Variants in CADM2 observed in about 807,000 individuals in gnomAD.
The protein encoded by CADM2 is immunoglobulin superfamily member 4D.
A neutral mutation model predicts 49.8 loss-of-function variants in CADM2; 12 were observed. The observed-to-expected ratio is 0.24, with a 90% CI of 0.15 to 0.39. The LOEUF (loss-of-function observed/expected upper bound fraction) is 0.39, where lower values mean the gene tolerates loss of function less well. Ranked by LOEUF, CADM2 falls within the 10% of genes least tolerant of loss-of-function variation. The pLI is 1.00. For missense variants in CADM2, 378 were observed against 492.3 expected, an observed-to-expected ratio of 0.77 and a Z score of 2.20; for synonymous variants, 214 against 175.4, an observed-to-expected ratio of 1.22 and a Z score of -1.74.
At chr3:85,155,562 A>T (rs1199630394) in intron 1 of CADM2, among the ~76,000 whole-genome samples, 4 of 152,122 alleles carry the variant, frequency 2.6e-5, no homozygotes, top group Non-Finnish European at 5.9e-5. Context: ...ATACCCAGGA[A>T]TTGAACTCAG....
At chr3:85,726,976 A>C (rs1269960351) in intron 2 of CADM2, among the ~76,000 whole-genome samples, 1 of 152,110 alleles carries the variant, frequency 6.6e-6, no homozygotes, top group African/African-American at 2.4e-5. Context: ...TGAATATTAT[A>C]AGCTATCGAT....
At chr3:85,138,741 C>G (rs2039491641) in intron 1 of CADM2, among the ~76,000 whole-genome samples, 1 of 152,058 alleles carries the variant, frequency 6.6e-6, no homozygotes, top group Non-Finnish European at 1.5e-5. Context: ...TGCCACCATC[C>G]TGGAGGAGAC....
chr3:85,001,386 T>C (rs2033456014), intron 1 of CADM2, among the ~76,000 whole-genome samples: 1 of 152,076 alleles, frequency 6.6e-6, no homozygotes, highest in Non-Finnish European at 1.5e-5. Flanking sequence ...TATCCATCCG[T>C]CTATCTATCT....
intron 5 of CADM2, among the ~76,000 whole-genome samples, chr3:85,906,658 T>C (rs989757876): frequency 6.6e-6 from 1 of 152,170 alleles, no homozygotes. Flanking sequence ...AGGGTGCTCA[T>C]AGGCAAGAAT....
At chr3:85,946,252 A>G (rs1237257775) in intron 7 of CADM2, among the ~76,000 whole-genome samples, 3 of 151,584 alleles carry the variant, frequency 2.0e-5, no homozygotes, top group Non-Finnish European at 2.9e-5. Flanking sequence ...AAGGAGAACT[A>G]CAAACCACTG....
At chr3:85,446,649 C>T (rs1190434296) in intron 1 of CADM2, among the ~76,000 whole-genome samples, 1 of 139,778 alleles carries the variant, frequency 7.2e-6, no homozygotes, top group Admixed American at 7.7e-5. Flanking sequence ...GTTGCCCAGA[C>T]TGGAGTACAA....
intron 1 of CADM2, among the ~76,000 whole-genome samples, chr3:85,445,132 G>C (rs1420762141): frequency 6.6e-6 from 1 of 152,028 alleles, no homozygotes; most frequent in African/African-American, 2.4e-5. Context: ...TTTTGTTGAC[G>C]AGTAAACCGA....
intron 1 of CADM2, among the ~76,000 whole-genome samples, chr3:85,091,647 A>G (rs1027108728): frequency 6.6e-6 from 1 of 152,170 alleles, no homozygotes; most frequent in African/African-American, 2.4e-5. Context: ...AATATTTAGA[A>G]AACATTTTTA....
At chr3:85,587,756 T>A (rs1289676630) in intron 1 of CADM2, among the ~76,000 whole-genome samples, 3 of 151,956 alleles carry the variant, frequency 2.0e-5, no homozygotes, top group South Asian at 4.1e-4. Flanking sequence ...CAATGACATT[T>A]TTTTTTGAGA....
chr3:85,181,618 T>G (rs1003190581), intron 1 of CADM2, among the ~76,000 whole-genome samples: 1 of 151,960 alleles, frequency 6.6e-6, no homozygotes, highest in Non-Finnish European at 1.5e-5. Flanking sequence ...AAGGGCATAT[T>G]TAGTGTAAAT....
intron 1 of CADM2, among the ~76,000 whole-genome samples, chr3:85,249,246 A>C (rs2042721200): frequency 6.6e-6 from 1 of 152,088 alleles, no homozygotes. Context: ...CCAGGTACAG[A>C]ATTTTTACCA....
intron 1 of CADM2, among the ~76,000 whole-genome samples, chr3:85,705,306 C>T (rs1251026748): frequency 1.3e-5 from 2 of 150,156 alleles, no homozygotes; most frequent in Non-Finnish European, 2.9e-5. Flanking sequence ...GCTTTATGTA[C>T]ATTGATTCAT....
chr3:85,860,296 G>A (rs1288879180), intron 3 of CADM2, among the ~76,000 whole-genome samples: 2 of 151,914 alleles, frequency 1.3e-5, no homozygotes, highest in African/African-American at 4.8e-5. Context: ...CAAAAATCCT[G>A]TATTACATGG....
intron 1 of CADM2, among the ~76,000 whole-genome samples, chr3:85,120,344 A>G (rs1009083181): frequency 2.0e-5 from 3 of 152,218 alleles, no homozygotes; most frequent in Admixed American, 6.5e-5. Flanking sequence ...TATATACCCA[A>G]AGGATTATAA....
At chr3:85,520,298 G>A (rs2061002100) in intron 1 of CADM2, among the ~76,000 whole-genome samples, 1 of 151,580 alleles carries the variant, frequency 6.6e-6, no homozygotes, top group East Asian at 1.9e-4. Flanking sequence ...AAATTGTCAT[G>A]TATATAAAAT....
chr3:86,057,747 G>GGAAA (rs1738161359), intron 8 of CADM2, among the ~76,000 whole-genome samples: 1 of 152,008 alleles, frequency 6.6e-6, no homozygotes, highest in African/African-American at 2.4e-5. Context: ...ATGCCCAGAG[G>GGAAA]GAAAGAAGTA....
chr3:85,362,467 T>G (rs1294672228), intron 1 of CADM2, among the ~76,000 whole-genome samples: 2 of 152,166 alleles, frequency 1.3e-5, no homozygotes, highest in Non-Finnish European at 2.9e-5. Flanking sequence ...CCAATAGAGA[T>G]AGGCAGGTGC....
chr3:85,555,220 A>C (rs956234198), intron 1 of CADM2, among the ~76,000 whole-genome samples: 34 of 152,196 alleles, frequency 2.2e-4, no homozygotes, highest in Non-Finnish European at 3.8e-4. Flanking sequence ...GGCTTACACT[A>C]TACTTAGCAT....
intron 1 of CADM2, among the ~76,000 whole-genome samples, chr3:85,075,255 C>T (rs1399004251): frequency 6.6e-6 from 1 of 151,068 alleles, no homozygotes; most frequent in African/African-American, 2.4e-5. Flanking sequence ...ATAAGGTCTC[C>T]TAAAACATAA....
Sources: allele counts gnomAD v4.1 joint callset (sites outside exome capture counted in the v4.1 genomes callset), GRCh38; gene constraint gnomAD v4.1.1; transcripts MANE v1.5; gene names NCBI Gene and HGNC (gene_info 2026-07-23, HGNC 2026-07-21).